The following ZNF608 variants were observed in gnomAD, a reference collection of about 807,000 sequenced individuals.
The protein encoded by ZNF608 is zinc finger protein 608, also known as renal carcinoma antigen NY-REN-36.
ZNF608 carries 12 observed loss-of-function variants against 109.0 expected under a neutral mutation model. That is an observed-to-expected ratio of 0.11 (90% CI 0.07 to 0.18). The LOEUF (loss-of-function observed/expected upper bound fraction) is 0.18. Among genes scored for constraint, ZNF608 ranks in the 10% least tolerant of loss-of-function variants. The probability of loss-of-function intolerance (pLI) is 1.00; values close to 1 mark genes in which losing one functional copy is unlikely to be tolerated. For synonymous variants in ZNF608, 732 were observed against 717.4 expected (o/e 1.02, Z -0.33); for missense variants, 1,707 against 1,879.3 (o/e 0.91, Z 1.70).
intron 3 of ZNF608, among the ~76,000 whole-genome samples, chr5:124,671,080 A>G (rs560895697): frequency 7.4e-4 from 112 of 152,308 alleles, no homozygotes; most frequent in Non-Finnish European, 1.2e-3. Flanking sequence ...TGTACACACT[A>G]TATTTTCCCA....
At chr5:124,667,849 T>G (rs373528148) in intron 3 of ZNF608, among the ~76,000 whole-genome samples, 1 of 152,084 alleles carries the variant, frequency 6.6e-6, no homozygotes, top group Admixed American at 6.5e-5. Flanking sequence ...AACTAGGAAA[T>G]GGAACCCAGT....
intron 3 of ZNF608, among the ~76,000 whole-genome samples, chr5:124,686,110 A>T (rs61296120): frequency 0.15 from 22,200 of 152,142 alleles, 1,649 homozygotes; most frequent in East Asian, 0.2. Flanking sequence ...TACTTCAGGG[A>T]TTCTCTAGTA....
chr5:124,711,097 TA>T, intron 2 of ZNF608, among the ~76,000 whole-genome samples: 1 of 152,294 alleles, frequency 6.6e-6, no homozygotes, highest in East Asian at 1.9e-4. Context: ...TACCAAGTTC[TA>T]AACCATAAAC....
intron 8 of ZNF608, among the ~76,000 whole-genome samples, chr5:124,640,828 C>T (rs1750204329): frequency 6.6e-6 from 1 of 152,206 alleles, no homozygotes; most frequent in Admixed American, 6.5e-5. Flanking sequence ...GATCACATTA[C>T]TCCCATGATT....
At chr5:124,709,029 G>T (rs1450276189) in intron 2 of ZNF608, among the ~76,000 whole-genome samples, 1 of 151,972 alleles carries the variant, frequency 6.6e-6, no homozygotes, top group Non-Finnish European at 1.5e-5. Flanking sequence ...AAAATTAGCT[G>T]GGCGTGGTAG....
intron 3 of ZNF608, among the ~76,000 whole-genome samples, chr5:124,668,364 C>A (rs1234652602): frequency 6.6e-6 from 1 of 150,622 alleles, no homozygotes; most frequent in African/African-American, 2.4e-5. Flanking sequence ...GATAATGAGA[C>A]CCTGTCTCAA....
chr5:124,744,943 G>A lies in ZNF608; in HGVS notation c.47C>T (p.Thr16Ile). ...STAGKGVDPNTVDTYDSGDDW... is the reference protein window; with the variant it reads ...STAGKGVDPNIVDTYDSGDDW... ...ATCGCCACTGTCATAAGTATCAACTGTATTTGGATCCACACCTTTTCCTGC... is the reference window on the plus strand; with the variant it reads ...ATCGCCACTGTCATAAGTATCAACTATATTTGGATCCACACCTTTTCCTGC... Residue 16 changes from threonine to isoleucine, a missense_variant, in exon 2 of 10, where the codon ACA becomes ATA. Thr to Ile is a moderately conservative substitution (Grantham distance 89). Transcript: ENST00000513986. This position sits in a 1 kb window ranked among gnomAD's most constrained non-coding sequence, Gnocchi z 4.5. 8 of 1,613,926 alleles carry A rather than the reference G, an allele frequency of 5.0e-6. No homozygotes were observed. Among genetic ancestry groups the A allele is most frequent in the Non-Finnish European group, 6.8e-6 (8 of 1,179,916 alleles).
At chr5:124,651,035 T>A (rs924355100) in intron 3 of ZNF608, among the ~76,000 whole-genome samples, 12 of 152,258 alleles carry the variant, frequency 7.9e-5, no homozygotes, top group African/African-American at 2.9e-4. Context: ...CCATATGGTC[T>A]ATGTTGCTAT....
At chr5:124,662,782 T>G (rs1751319575) in intron 3 of ZNF608, among the ~76,000 whole-genome samples, 1 of 152,066 alleles carries the variant, frequency 6.6e-6, no homozygotes, top group Non-Finnish European at 1.5e-5. Context: ...CAGGTTGCCT[T>G]GTAATTCTCT....
chr5:124,746,839 G>A (rs1473513492), upstream of ZNF608: 19 of 947,362 alleles, frequency 2.0e-5, no homozygotes, highest in Non-Finnish European at 2.4e-5. Flanking sequence ...AAGAAAGGGT[G>A]GGATGAGAAA....
intron 3 of ZNF608, among the ~76,000 whole-genome samples, chr5:124,657,197 T>C (rs1751048957): frequency 6.6e-6 from 1 of 152,000 alleles, no homozygotes; most frequent in South Asian, 2.1e-4. Flanking sequence ...GGAGCAGAAA[T>C]AAGACTTTTA....
In ZNF608 at chr5:124,697,515, T is replaced by A. The variant is rs4438870; in HGVS notation, c.1162+3499A>T. ...ACATCATTGGTCCTATGCATTTACC[T>A]TAAAGAAAAAAGATCAGAGTAGAAT... On this transcript the variant is annotated intron_variant, in intron 3 of 9. Transcript: ENST00000513986. Among the ~76,000 whole-genome samples the A allele has an allele frequency of 1.4e-3, 209 of 152,278 alleles. 3 individuals carry two copies. Among genetic ancestry groups the A allele is most frequent in the African/African-American group, 4.7e-3 (194 of 41,572 alleles).
intron 3 of ZNF608, among the ~76,000 whole-genome samples, chr5:124,679,017 CG>C (rs1244359332): frequency 6.6e-6 from 1 of 152,126 alleles, no homozygotes; most frequent in Non-Finnish European, 1.5e-5. Flanking sequence ...GAGCTACTGC[CG>C]GGGAAGCCAA....
chr5:124,712,521 G>C (rs1753537654), intron 2 of ZNF608, among the ~76,000 whole-genome samples: 1 of 152,190 alleles, frequency 6.6e-6, no homozygotes, highest in South Asian at 2.1e-4. Context: ...GGCACAAAGA[G>C]TGAGAAGGAG....
At chr5:124,689,441 A>G (rs1167750295) in intron 3 of ZNF608, among the ~76,000 whole-genome samples, 1 of 150,880 alleles carries the variant, frequency 6.6e-6, no homozygotes, top group African/African-American at 2.4e-5. Flanking sequence ...GACAGAGTTT[A>G]AGACCAGAGT....
chr5:124,733,611 G>A (rs893872206), intron 2 of ZNF608, among the ~76,000 whole-genome samples: 4 of 152,154 alleles, frequency 2.6e-5, no homozygotes, highest in African/African-American at 9.7e-5. Context: ...CAGGACTTGA[G>A]GGGCTACCAC....
Position 124,641,426 on chromosome 5 carries a change from T to G in ZNF608, c.4297-21A>C, listed in dbSNP as rs753125113. On this transcript the variant is annotated intron_variant, in intron 7 of 9. Transcript: ENST00000513986. ...ACAGGCTGCAACAGAAAAGAGAAATTTTCCCCCTTCATGCTCTGAAAATCA... is the reference window on the plus strand; with the variant it reads ...ACAGGCTGCAACAGAAAAGAGAAATGTTCCCCCTTCATGCTCTGAAAATCA... The G allele has an allele frequency of 3.1e-6, 5 of 1,594,654 alleles. No homozygotes were observed. In the South Asian group the frequency reaches 4.5e-5, roughly 14 times the overall value.
chr5:124,655,371 C>T (rs549606525), intron 3 of ZNF608, among the ~76,000 whole-genome samples: 12 of 152,210 alleles, frequency 7.9e-5, no homozygotes, highest in Non-Finnish European at 1.2e-4. Context: ...GCCTCATCCC[C>T]GGGACAGAAG....
chr5:124,740,511 G>GAAAA lies in ZNF608; in HGVS notation c.906+3569_906+3572dup, dbSNP rs5871103. On this transcript the variant is annotated intron_variant, in intron 2 of 9. Transcript: ENST00000513986. The stretch of plus-strand genomic sequence containing the variant: ...AGAATTCATATGGGACACTATATTT[G>GAAAA]AAAAAAAAAAAAAGCATAATGTCCA... Among the ~76,000 whole-genome samples the GAAAA allele has an allele frequency of 1.1e-3, 154 of 144,164 alleles. 1 individual carries two copies. Among genetic ancestry groups the GAAAA allele is most frequent in the African/African-American group, 3.8e-3 (150 of 39,206 alleles). 94.6% of individuals were successfully genotyped at this position (144,164 alleles called of 152,430 possible).
Sources: gnomAD v4.1 joint callset for allele counts (sites outside exome capture counted in the v4.1 genomes callset) on GRCh38, gnomAD v4.1.1 for gene constraint, Gnocchi (gnomAD v3.1) non-coding constraint, MANE v1.5 for transcripts, NCBI Gene and HGNC (gene_info 2026-07-23, HGNC 2026-07-21) for gene names.